CPA6: variants seen among roughly 807,000 people sequenced by gnomAD.
The protein encoded by CPA6 is carboxypeptidase B.
In CPA6, 58 loss-of-function variants were observed where a neutral mutation model predicts 63.3. The observed-to-expected ratio is 0.92, with a 90% CI of 0.74 to 1.14. The LOEUF (loss-of-function observed/expected upper bound fraction) is 1.14. Among genes scored for constraint, CPA6 ranks in the 50% most tolerant of loss-of-function variants. CPA6 has a pLI of 0.00. For missense variants in CPA6, 565 were observed against 526.6 expected (o/e 1.07, Z -0.71); for synonymous variants, 185 against 179.0 (o/e 1.03, Z -0.27).
At chr8:67,730,986 A>T (rs545784797) in intron 1 of CPA6, among the ~76,000 whole-genome samples, 2 of 152,334 alleles carry the variant, frequency 1.3e-5, no homozygotes, top group East Asian at 3.9e-4. Flanking sequence ...ATTATTTGCA[A>T]TCCTGCTATT....
rs1430572857 is a variant in CPA6, at chr8:67,422,566, A to G, written c.1252T>C (p.Cys418Arg). The G allele has an allele frequency of 6.2e-7, 1 of 1,614,076 alleles. No homozygotes were observed. Among genetic ancestry groups the G allele is most frequent in the Non-Finnish European group, 8.5e-7 (1 of 1,180,022 alleles). The change falls in exon 11 of 11, where the codon TGT (cysteine) becomes CGT (arginine). Residue 418 changes from cysteine to arginine, a missense_variant. Transcript: ENST00000297770. ...TTCACAGCCAGCATAGTTTCTGTACAGGTGGGTTTGATGAGCATCTCTGGG... is the reference window on the plus strand; with the variant it reads ...TTCACAGCCAGCATAGTTTCTGTACGGGTGGGTTTGATGAGCATCTCTGGG... ...LLPEMLIKPT[C>R]TETMLAVKNI...
intron 2 of CPA6, among the ~76,000 whole-genome samples, chr8:67,616,501 A>ATATG (rs1554680738): frequency 7.9e-6 from 1 of 126,952 alleles, no homozygotes; most frequent in Non-Finnish European, 1.7e-5. Context: ...GGCAAATTGA[A>ATATG]TGTGTGTGTG....
intron 2 of CPA6, among the ~76,000 whole-genome samples, chr8:67,600,099 CT>C (rs1299303486): frequency 6.6e-6 from 1 of 151,000 alleles, no homozygotes; most frequent in Non-Finnish European, 1.5e-5. Flanking sequence ...TGTATGTTTC[CT>C]TTTTTTAAAA....
rs374683936 is a variant in CPA6, at chr8:67,632,528, T to A, written c.117-8277A>T. ...TTTCTCAGTATGTTGCCCAGGCTACTCTCGAATTCCTGGACTCAAGTAATC... is the reference window on the plus strand; with the variant it reads ...TTTCTCAGTATGTTGCCCAGGCTACACTCGAATTCCTGGACTCAAGTAATC... On this transcript the variant is annotated intron_variant, in intron 1 of 10. Transcript: ENST00000297770. Among the ~76,000 whole-genome samples, 4 of 152,286 alleles carry A rather than the reference T, an allele frequency of 2.6e-5. No homozygotes were observed. In the East Asian group the frequency reaches 5.8e-4, roughly 22 times the overall value.
Position 67,428,061 on chromosome 8 carries a change from G to GCTGGT in CPA6, c.1107_1111dup (p.Ala371AspfsTer9). 6.2e-7 allele frequency: 1 copy of GCTGGT among 1,609,782 alleles called. No homozygotes were observed. Among genetic ancestry groups the GCTGGT allele is most frequent in the South Asian group, 1.1e-5 (1 of 90,936 alleles). On this transcript the variant is annotated frameshift_variant, in exon 10 of 11. Transcript: ENST00000297770. LOFTEE classifies it high-confidence loss of function. ...AGGAAACTTACACAACGTTGTGGAG[G>GCTGGT]CTGGTCCATATCTGTATCGTACCCC...
chr8:67,695,213 C>T (rs748994047), intron 1 of CPA6, among the ~76,000 whole-genome samples: 2 of 152,126 alleles, frequency 1.3e-5, no homozygotes, highest in African/African-American at 2.4e-5. Context: ...AGCTCATGAA[C>T]AAAATGGGCC....
At chr8:67,692,847 G>A (rs1816840446) in intron 1 of CPA6, among the ~76,000 whole-genome samples, 1 of 152,144 alleles carries the variant, frequency 6.6e-6, no homozygotes, top group African/African-American at 2.4e-5. Flanking sequence ...ACCCAAGGTA[G>A]CTCATGTGTA....
chr8:67,491,183 C>T (rs906089104), intron 6 of CPA6, among the ~76,000 whole-genome samples: 1 of 150,540 alleles, frequency 6.6e-6, no homozygotes, highest in South Asian at 2.1e-4. Context: ...AAATTCAATA[C>T]CAGAAGAATC....
intron 1 of CPA6, among the ~76,000 whole-genome samples, chr8:67,744,957 C>G (rs1028054850): frequency 6.6e-6 from 1 of 152,124 alleles, no homozygotes; most frequent in Non-Finnish European, 1.5e-5. Flanking sequence ...TCAGAGGAAC[C>G]CTAAAGGCAG....
intron 2 of CPA6, among the ~76,000 whole-genome samples, chr8:67,605,875 T>C (rs1814623625): frequency 6.6e-6 from 1 of 152,084 alleles, no homozygotes; most frequent in Admixed American, 6.6e-5. Flanking sequence ...GGCTTTGTCA[T>C]AGTCATGCAC....
chr8:67,665,776 C>T (rs1209945130), intron 1 of CPA6, among the ~76,000 whole-genome samples: 1 of 152,152 alleles, frequency 6.6e-6, no homozygotes. Flanking sequence ...AATCCAAAAG[C>T]TCGGGGTATA....
intron 1 of CPA6, among the ~76,000 whole-genome samples, chr8:67,725,186 C>T (rs1817574133): frequency 6.6e-6 from 1 of 152,178 alleles, no homozygotes; most frequent in Non-Finnish European, 1.5e-5. Flanking sequence ...TTATTTATAT[C>T]ATAGCTGTTG....
intron 2 of CPA6, among the ~76,000 whole-genome samples, chr8:67,540,783 T>C (rs1286492932): frequency 6.6e-6 from 1 of 152,198 alleles, no homozygotes; most frequent in East Asian, 1.9e-4. Flanking sequence ...TCGAACTTCC[T>C]GGCAGCTTTG....
chr8:67,727,039 T>A (rs1360385447), intron 1 of CPA6, among the ~76,000 whole-genome samples: 7 of 152,372 alleles, frequency 4.6e-5, no homozygotes, highest in Non-Finnish European at 8.8e-5. Context: ...GTTGATTTTT[T>A]AAAAATCTTT....
At chr8:67,473,616 A>AT (rs945565679) in intron 8 of CPA6, among the ~76,000 whole-genome samples, 9 of 150,640 alleles carry the variant, frequency 6.0e-5, no homozygotes, top group African/African-American at 2.2e-4. Flanking sequence ...TTTTATTTTT[A>AT]TTTTTTGAGA....
chr8:67,457,960 C>T (rs1810713654), intron 8 of CPA6, among the ~76,000 whole-genome samples: 1 of 152,088 alleles, frequency 6.6e-6, no homozygotes, highest in Non-Finnish European at 1.5e-5. Flanking sequence ...CATGCTGGGA[C>T]GGGTCAGCTC....
chr8:67,637,634 G>C (rs1815499196), intron 1 of CPA6, among the ~76,000 whole-genome samples: 1 of 151,412 alleles, frequency 6.6e-6, no homozygotes, highest in Admixed American at 6.6e-5. Context: ...ACAAAGCATA[G>C]GGGAAAATTT....
At chr8:67,468,995 C>A (rs146069889) in intron 8 of CPA6, among the ~76,000 whole-genome samples, 15 of 152,288 alleles carry the variant, frequency 9.8e-5, no homozygotes, top group African/African-American at 3.4e-4. Flanking sequence ...GTTTAGTCTA[C>A]CCTGGTGTCA....
chr8:67,500,958 T>C (rs950231572), intron 6 of CPA6, among the ~76,000 whole-genome samples: 1 of 152,096 alleles, frequency 6.6e-6, no homozygotes. Context: ...CTCTTAATTA[T>C]TGTAGGTATA....
Sources: allele counts gnomAD v4.1 joint callset (sites outside exome capture counted in the v4.1 genomes callset), GRCh38; gene constraint gnomAD v4.1.1; transcripts MANE v1.5; gene names NCBI Gene and HGNC (gene_info 2026-07-23, HGNC 2026-07-21).